The following SNTG1 variants were observed in gnomAD, a reference collection of about 807,000 sequenced individuals.
SNTG1 encodes the protein gamma-1-syntrophin.
A neutral mutation model predicts 74.7 loss-of-function variants in SNTG1; 39 were observed. That is an observed-to-expected ratio of 0.52 (90% CI 0.40 to 0.68). The LOEUF (loss-of-function observed/expected upper bound fraction) is 0.68, where lower values mean the gene tolerates loss of function less well. Ranked by LOEUF, SNTG1 falls within the 30% of genes least tolerant of loss-of-function variation. The pLI, the probability that SNTG1 is intolerant of heterozygous loss-of-function variation, is 0.00. For synonymous variants in SNTG1, 254 were observed against 217.1 expected (o/e 1.17, Z -1.49); for missense variants, 685 against 609.5 (o/e 1.12, Z -1.30).
chr8:50,095,567 A>C (rs2131191232), intron 1 of SNTG1, among the ~76,000 whole-genome samples: 1 of 152,312 alleles, frequency 6.6e-6, no homozygotes, highest in Non-Finnish European at 1.5e-5. Flanking sequence ...CACATAAGAT[A>C]TGATCCTGTT....
intron 15 of SNTG1, among the ~76,000 whole-genome samples, chr8:50,695,843 A>G (rs1273760110): frequency 6.6e-6 from 1 of 151,384 alleles, no homozygotes; most frequent in Non-Finnish European, 1.5e-5. Flanking sequence ...TTATATATAC[A>G]TATATGTATA....
chr8:50,094,475 G>A (rs1341542523), intron 1 of SNTG1, among the ~76,000 whole-genome samples: 1 of 151,824 alleles, frequency 6.6e-6, no homozygotes, highest in Admixed American at 6.6e-5. Context: ...GGAACCTAAA[G>A]AAATCAACAA....
At chr8:50,335,658 C>T (rs2091115174) in intron 2 of SNTG1, among the ~76,000 whole-genome samples, 1 of 151,928 alleles carries the variant, frequency 6.6e-6, no homozygotes, top group Non-Finnish European at 1.5e-5. Flanking sequence ...GGAGGGAGTT[C>T]CTACTTTTAA....
intron 12 of SNTG1, among the ~76,000 whole-genome samples, chr8:50,587,839 T>A (rs548414894): frequency 7.0e-6 from 1 of 143,092 alleles, no homozygotes; most frequent in South Asian, 2.3e-4. Context: ...ATTTAGCGGC[T>A]CATGGCTCAT....
intron 4 of SNTG1, among the ~76,000 whole-genome samples, chr8:50,426,853 C>A (rs59527693): frequency 1.3e-5 from 2 of 151,892 alleles, no homozygotes; most frequent in Non-Finnish European, 2.9e-5. Context: ...AAAGCAATAA[C>A]GTATAATAAC....
chr8:50,147,131 A>C (rs1257099648), intron 1 of SNTG1, among the ~76,000 whole-genome samples: 1 of 152,210 alleles, frequency 6.6e-6, no homozygotes, highest in Non-Finnish European at 1.5e-5. Context: ...GAAAGTGATA[A>C]AATTCTTCTG....
intron 12 of SNTG1, among the ~76,000 whole-genome samples, chr8:50,574,221 A>G (rs1027916747): frequency 6.6e-6 from 1 of 152,076 alleles, no homozygotes; most frequent in Non-Finnish European, 1.5e-5. Flanking sequence ...ATTTTTTACC[A>G]TTCCATTTCA....
chr8:50,267,733 C>A (rs2087557178), intron 2 of SNTG1, among the ~76,000 whole-genome samples: 1 of 152,102 alleles, frequency 6.6e-6, no homozygotes, highest in African/African-American at 2.4e-5. Context: ...GCAGAAAGCA[C>A]ATTTGACAAA....
intron 2 of SNTG1, among the ~76,000 whole-genome samples, chr8:50,306,105 T>C (rs955786896): frequency 6.6e-6 from 1 of 150,544 alleles, no homozygotes; most frequent in African/African-American, 2.5e-5. Flanking sequence ...TGCCTTTGTG[T>C]ACCCATAGGT....
intron 1 of SNTG1, among the ~76,000 whole-genome samples, chr8:50,006,082 C>A (rs571163689): frequency 6.6e-6 from 1 of 150,870 alleles, no homozygotes; most frequent in African/African-American, 2.4e-5. Context: ...CCTGCCTCAG[C>A]CTCCAAAGTA....
chr8:50,498,860 A>T (rs1471768501), intron 8 of SNTG1, among the ~76,000 whole-genome samples: 2 of 151,372 alleles, frequency 1.3e-5, no homozygotes, highest in African/African-American at 4.8e-5. Flanking sequence ...TACTTTCTCT[A>T]CTCCATTGCA....
At chr8:50,296,882 C>T (rs2089406116) in intron 2 of SNTG1, among the ~76,000 whole-genome samples, 1 of 152,148 alleles carries the variant, frequency 6.6e-6, no homozygotes, top group South Asian at 2.1e-4. Context: ...AGTTATCCTG[C>T]TTATTAAGTA....
In SNTG1 at chr8:50,167,732, C is replaced by T. The variant is rs189761462; in HGVS notation, c.-102-4829C>T. Among the ~76,000 whole-genome samples the T allele has an allele frequency of 4.7e-3, 699 of 149,802 alleles. 5 individuals are homozygous for T. The highest frequency in any genetic ancestry group is 7.8e-3 in the South Asian group (37 of 4,774). On this transcript the variant is annotated intron_variant, in intron 1 of 18. Coordinates refer to ENST00000642720, the MANE Select transcript of SNTG1 (RefSeq NM_018967.5). ...GGAAGCTGAGATGGGAGGATCCTGT[C>T]AGCCTGGCAATTCGAGGTTGCAGTG...
intron 1 of SNTG1, among the ~76,000 whole-genome samples, chr8:50,139,477 G>A (rs1054368048): frequency 3.3e-5 from 5 of 152,162 alleles, no homozygotes; most frequent in African/African-American, 1.2e-4. Flanking sequence ...ATGTAAGACG[G>A]TGTCATTAAC....
intron 10 of SNTG1, among the ~76,000 whole-genome samples, chr8:50,533,754 G>A (rs2094287601): frequency 6.6e-6 from 1 of 151,964 alleles, no homozygotes; most frequent in African/African-American, 2.4e-5. Flanking sequence ...TTCTTATAAA[G>A]AAGAAATATA....
Position 49,924,092 on chromosome 8 carries a change from G to A in SNTG1, c.-103+11861G>A, listed in dbSNP as rs146206203. ...GGTTAATTTTTAATGAATAGGGTTA[G>A]TCTATCAACTAGCTCTGCTAGCCCA... On this transcript the variant is annotated intron_variant, in intron 1 of 18. Transcript: ENST00000642720. Among the ~76,000 whole-genome samples the A allele has an allele frequency of 3.3e-5, 5 of 152,224 alleles. No homozygotes were observed. In the East Asian group the frequency reaches 7.7e-4, roughly 24 times the overall value.
chr8:50,159,887 G>C (rs1225557061), intron 1 of SNTG1, among the ~76,000 whole-genome samples: 1 of 152,132 alleles, frequency 6.6e-6, no homozygotes, highest in Non-Finnish European at 1.5e-5. Context: ...AGTACCACCA[G>C]CAGCAGTTGA....
intron 1 of SNTG1, among the ~76,000 whole-genome samples, chr8:50,116,095 T>C (rs1055291296): frequency 6.6e-6 from 1 of 152,118 alleles, no homozygotes; most frequent in Non-Finnish European, 1.5e-5. Flanking sequence ...TTTATTTAAT[T>C]CTTTATAAAA....
intron 1 of SNTG1, among the ~76,000 whole-genome samples, chr8:50,167,337 A>T (rs1282896235): frequency 6.8e-6 from 1 of 146,854 alleles, no homozygotes; most frequent in Non-Finnish European, 1.5e-5. Context: ...ATAAAATAAA[A>T]AAAAAAATCT....
Sources: allele counts gnomAD v4.1 joint callset (sites outside exome capture counted in the v4.1 genomes callset), GRCh38; gene constraint gnomAD v4.1.1; transcripts MANE v1.5; gene names NCBI Gene and HGNC (gene_info 2026-07-23, HGNC 2026-07-21).